The following MBD5 variants were observed in gnomAD, a reference collection of about 807,000 sequenced individuals.
MBD5 encodes the protein methyl-CpG binding domain protein 5.
MBD5 carries 13 observed loss-of-function variants against 117.3 expected under a neutral mutation model. The ratio of observed to expected loss-of-function variants is 0.11; its 90% CI spans 0.07 to 0.18. MBD5 has a LOEUF of 0.18. Ranked by LOEUF, MBD5 falls within the 10% of genes least tolerant of loss-of-function variation. The pLI is 1.00. For missense variants in MBD5, 1,879 were observed against 2,093.8 expected (o/e 0.90, Z 2.00); for synonymous variants, 727 against 766.4 (o/e 0.95, Z 0.85).
intron 1 of MBD5, among the ~76,000 whole-genome samples, chr2:148,060,005 G>A (rs1416592876): frequency 6.6e-6 from 1 of 151,566 alleles, no homozygotes; most frequent in East Asian, 1.9e-4. Flanking sequence ...TCTCACTGGA[G>A]GCAGGCACGG....
chr2:148,424,673 TAACA>T (rs1428301423), intron 4 of MBD5, among the ~76,000 whole-genome samples: 1 of 152,092 alleles, frequency 6.6e-6, no homozygotes, highest in African/African-American at 2.4e-5. Flanking sequence ...ACAGAAATCA[TAACA>T]AACAGTCTCT....
At chr2:148,095,346 A>G (rs965261084) in intron 1 of MBD5, among the ~76,000 whole-genome samples, 3 of 152,160 alleles carry the variant, frequency 2.0e-5, no homozygotes, top group Non-Finnish European at 4.4e-5. Flanking sequence ...ATATTTCTAC[A>G]TTAGATATTA....
chr2:148,234,301 C>A (rs79777215), intron 3 of MBD5, among the ~76,000 whole-genome samples: 19,106 of 152,042 alleles, frequency 0.13, 1,449 homozygotes, highest in Non-Finnish European at 0.18. Context: ...AACTCATCAG[C>A]CTGAGGTCAT....
chr2:148,362,225 A>C (rs914352420), intron 4 of MBD5, among the ~76,000 whole-genome samples: 1 of 152,182 alleles, frequency 6.6e-6, no homozygotes, highest in African/African-American at 2.4e-5. Flanking sequence ...GCAGCAAGCT[A>C]AGATCCACTG....
chr2:148,363,935 CAGG>C (rs1231842529), intron 4 of MBD5, among the ~76,000 whole-genome samples: 7 of 152,128 alleles, frequency 4.6e-5, no homozygotes, highest in African/African-American at 1.7e-4. Flanking sequence ...GGATATTATT[CAGG>C]AGAACTTCCC....
intron 2 of MBD5, among the ~76,000 whole-genome samples, chr2:148,195,811 C>G (rs1698970274): frequency 6.6e-6 from 1 of 152,132 alleles, no homozygotes; most frequent in African/African-American, 2.4e-5. Context: ...AGAAAAAATT[C>G]ACCAGAGAAA....
At chr2:148,168,754 TA>T (rs1260153721) in intron 1 of MBD5, among the ~76,000 whole-genome samples, 1 of 151,336 alleles carries the variant, frequency 6.6e-6, no homozygotes, top group Non-Finnish European at 1.5e-5. Flanking sequence ...AATTAAAAAA[TA>T]AAAATAAAAA....
At chr2:148,504,649 C>T (rs1222123974) in intron 12 of MBD5, among the ~76,000 whole-genome samples, 1 of 152,066 alleles carries the variant, frequency 6.6e-6, no homozygotes, top group African/African-American at 2.4e-5. Flanking sequence ...AATATATATA[C>T]TATATTTTTG....
intron 2 of MBD5, among the ~76,000 whole-genome samples, chr2:148,229,265 G>C (rs959307929): frequency 7.9e-5 from 12 of 151,304 alleles, no homozygotes; most frequent in African/African-American, 2.9e-4. Context: ...GATCACACCT[G>C]CTATTAATGG....
rs867897757 is a variant in MBD5, at chr2:148,413,910, A to T, written c.-556-44293A>T. On this transcript the variant is annotated intron_variant, in intron 4 of 13. Transcript: ENST00000642680. ...GTATATCAATCTTACTTATTTTCTA[A>T]AAAAAAAAAAAAAGCCACCTTTGGA... Among the ~76,000 whole-genome samples, 654 of 83,144 alleles carry T rather than the reference A, an allele frequency of 7.9e-3. 3 individuals carry two copies. The highest frequency in any genetic ancestry group is 0.044 in the East Asian group (193 of 4,416). 54.5% of individuals were successfully genotyped at this position (83,144 alleles called of 152,430 possible). A position where few individuals can be genotyped will look rare whatever the true frequency, so the allele number is the denominator to read the frequency against.
chr2:148,133,522 G>A (rs371124843), intron 1 of MBD5, among the ~76,000 whole-genome samples: 1 of 152,096 alleles, frequency 6.6e-6, no homozygotes, highest in African/African-American at 2.4e-5. Flanking sequence ...AAAATAGTAT[G>A]TTTAAATAAA....
chr2:148,439,485 A>G (rs192587832), intron 4 of MBD5, among the ~76,000 whole-genome samples: 5 of 152,292 alleles, frequency 3.3e-5, no homozygotes, highest in African/African-American at 1.2e-4. Context: ...GACCAGAAAT[A>G]TGAATAATGA....
chr2:148,195,529 TCAA>T (rs1189143091), intron 2 of MBD5, among the ~76,000 whole-genome samples: 1 of 152,142 alleles, frequency 6.6e-6, no homozygotes, highest in African/African-American at 2.4e-5. Context: ...ATAGAAACCT[TCAA>T]CAACACTAAA....
chr2:148,448,342 A>G (rs550150410), intron 4 of MBD5, among the ~76,000 whole-genome samples: 7 of 151,960 alleles, frequency 4.6e-5, no homozygotes, highest in African/African-American at 1.7e-4. Flanking sequence ...TGAACATTTA[A>G]TTATATTTGC....
intron 8 of MBD5, among the ~76,000 whole-genome samples, chr2:148,481,413 C>G (rs1681149510): frequency 6.6e-6 from 1 of 152,052 alleles, no homozygotes; most frequent in Non-Finnish European, 1.5e-5. Flanking sequence ...TCAATGGTGA[C>G]ATGATAAAAT....
Position 148,407,339 on chromosome 2 carries a change from A to AGTGT in MBD5, c.-556-50837_-556-50834dup, listed in dbSNP as rs34324249. 9.9e-3 allele frequency among the ~76,000 whole-genome samples: 1,381 copies of AGTGT among 140,182 alleles called. 10 individuals carry two copies. Among genetic ancestry groups the AGTGT allele is most frequent in the African/African-American group, 0.021 (806 of 38,764 alleles). 92.0% of individuals were successfully genotyped at this position (140,182 alleles called of 152,430 possible). The stretch of plus-strand genomic sequence containing the variant: ...TGTGGAATTTCCCAGTGGCTTTCTG[A>AGTGT]GTGTGTGTGTGTGTGTGTGTGTGTG... On this transcript the variant is annotated intron_variant, in intron 4 of 13. Transcript: ENST00000642680.
intron 2 of MBD5, among the ~76,000 whole-genome samples, chr2:148,226,350 A>G (rs2106106522): frequency 6.6e-6 from 1 of 152,160 alleles, no homozygotes; most frequent in East Asian, 1.9e-4. Flanking sequence ...CCTATGAGTG[A>G]GAACATGTGG....
chr2:148,114,900 G>A (rs1696592941), intron 1 of MBD5, among the ~76,000 whole-genome samples: 1 of 151,606 alleles, frequency 6.6e-6, no homozygotes, highest in Non-Finnish European at 1.5e-5. Flanking sequence ...GAAAAAAAAA[G>A]TCTACTAGTA....
intron 13 of MBD5, among the ~76,000 whole-genome samples, chr2:148,511,009 T>G (rs1362375257): frequency 2.6e-5 from 4 of 152,148 alleles, no homozygotes; most frequent in African/African-American, 9.7e-5. Context: ...ATCCATGGGT[T>G]AGGGTAGGCT....
Sources: allele counts gnomAD v4.1 joint callset (sites outside exome capture counted in the v4.1 genomes callset), GRCh38; gene constraint gnomAD v4.1.1; transcripts MANE v1.5; gene names NCBI Gene and HGNC (gene_info 2026-07-23, HGNC 2026-07-21).